The following G3BP1 variants were observed in gnomAD, a reference collection of about 807,000 sequenced individuals.
G3BP1 encodes the protein G3BP stress granule assembly factor 1.
Under a neutral mutation model 58.6 loss-of-function variants are expected in G3BP1, and 35 were observed. The observed-to-expected ratio is 0.60, with a 90% confidence interval of 0.46 to 0.79. The LOEUF is 0.79. Ranked by LOEUF, G3BP1 falls within the 30% of genes least tolerant of loss-of-function variation. G3BP1 has a pLI of 0.00. For missense variants in G3BP1, 523 were observed against 580.8 expected, an observed-to-expected ratio of 0.90 and a Z score of 1.02; for synonymous variants, 191 against 195.4, an observed-to-expected ratio of 0.98 and a Z score of 0.19.
chr5:151,789,163 C>T (rs917453743), intron 2 of G3BP1, among the ~76,000 whole-genome samples: 33 of 152,042 alleles, frequency 2.2e-4, no homozygotes, highest in Admixed American at 1.7e-3. Context: ...AAAGCATAGG[C>T]CAGGCATGGT....
In G3BP1 at chr5:151,809,460, C is replaced by T. The variant is rs892921445; in HGVS notation, c.*5369C>T. ...AGGATAGGGTGGAAGTAAAATTTAG[C>T]TGATAGCATAGGGATCATTTGTGAT... is the stretch of plus-strand genomic sequence containing the variant. On this transcript the variant is annotated 3_prime_UTR_variant, in exon 12 of 12. Transcript: ENST00000356245. The T allele has an allele frequency of 1.3e-5, 2 of 152,146 alleles. No homozygotes were observed. Among genetic ancestry groups the T allele is most frequent in the African/African-American group, 2.4e-5 (1 of 41,416 alleles). The allele number at this position is 152,146 out of a possible 1,614,324, so 9.4% of individuals were successfully genotyped here. A position where few individuals can be genotyped will look rare whatever the true frequency, so the allele number is the denominator to read the frequency against.
At chr5:151,785,545 C>T (rs1762542137) in intron 1 of G3BP1, among the ~76,000 whole-genome samples, 1 of 152,186 alleles carries the variant, frequency 6.6e-6, no homozygotes, top group Middle Eastern at 3.4e-3. Context: ...TTTATCTCTT[C>T]CCCCGTGAAT....
At chr5:151,800,980 A>G (rs1581583502) in intron 11 of G3BP1, 111 bp downstream of exon 11, 2 of 588,978 alleles carry the variant, frequency 3.4e-6, no homozygotes, top group South Asian at 4.6e-5. Context: ...TTATTCCAAC[A>G]TGTTCAGGTA....
intron 2 of G3BP1, among the ~76,000 whole-genome samples, chr5:151,789,067 GC>G (rs1297577770): frequency 6.6e-6 from 1 of 152,122 alleles, no homozygotes; most frequent in Admixed American, 6.5e-5. Context: ...GAGCCACCGT[GC>G]CCAGCCTTTT....
intron 1 of G3BP1, 112 bp downstream of exon 1, chr5:151,772,148 C>G (rs1405584308): frequency 1.3e-5 from 2 of 151,150 alleles, no homozygotes; most frequent in African/African-American, 4.8e-5. Context: ...AGTCGCGTCC[C>G]CCACCCCAAC....
chr5:151,773,241 A>G (rs1382541890), intron 1 of G3BP1, among the ~76,000 whole-genome samples: 1 of 152,170 alleles, frequency 6.6e-6, no homozygotes, highest in Non-Finnish European at 1.5e-5. Context: ...GAAGGGAATG[A>G]GGTGCAAAGC....
intron 8 of G3BP1, among the ~76,000 whole-genome samples, 180 bp from the exon 9 acceptor site, chr5:151,799,709 A>C (rs1762817038): frequency 6.6e-6 from 1 of 151,986 alleles, no homozygotes; most frequent in African/African-American, 2.4e-5. Flanking sequence ...AACCCAAATC[A>C]ATGTAGAAAC....
intron 4 of G3BP1, chr5:151,791,266 A>AGT (rs1762647437): frequency 2.3e-6 from 1 of 439,612 alleles, no homozygotes; most frequent in Non-Finnish European, 4.1e-6. Context: ...AAAATAGTTT[A>AGT]GTGGGCATTT....
intron 1 of G3BP1, among the ~76,000 whole-genome samples, chr5:151,777,376 C>T (rs1762390984): frequency 1.3e-5 from 2 of 152,126 alleles, no homozygotes; most frequent in African/African-American, 4.8e-5. Context: ...AGTAAAAAGA[C>T]CACTTAAATA....
rs2113263065 is a variant in G3BP1 at position 151,810,260 on chromosome 5, G to GCCTT, written c.*6171_*6174dup. The GCCTT allele has an allele frequency of 6.6e-6, 1 of 152,280 alleles. No homozygotes were observed. Among genetic ancestry groups the GCCTT allele is most frequent in the East Asian group, 1.9e-4 (1 of 5,186 alleles). 9.4% of individuals were successfully genotyped at this position (152,280 alleles called of 1,614,324 possible). A position where few individuals can be genotyped will look rare whatever the true frequency, so the allele number is the denominator to read the frequency against. On this transcript the variant is annotated 3_prime_UTR_variant, in exon 12 of 12. Transcript: ENST00000356245. ...GCATTGTGATTCCTTGGCTTCAAGT[G>GCCTT]CCTTCTGTCTTCCCCGAAGGTCCAC...
At chr5:151,794,120 GTC>G (rs1019859603) in intron 4 of G3BP1, 37 bp from the exon 5 acceptor site, 6 of 1,235,686 alleles carry the variant, frequency 4.9e-6, no homozygotes, top group Admixed American at 1.7e-5. Context: ...CTTTCTAAAA[GTC>G]TGTTGAATAA....
At chr5:151,778,498 G>A (rs1452570930) in intron 1 of G3BP1, among the ~76,000 whole-genome samples, 1 of 152,072 alleles carries the variant, frequency 6.6e-6, no homozygotes, top group Non-Finnish European at 1.5e-5. Flanking sequence ...CTGGAGTGCA[G>A]TGGCGCCATC....
At chr5:151,786,767 C>A in intron 2 of G3BP1, 52 bp downstream of exon 2, 1 of 1,056,188 alleles carries the variant, frequency 9.5e-7, no homozygotes, top group Non-Finnish European at 1.5e-6. Context: ...GTATGTGGTA[C>A]TTATCTTTGA....
Position 151,797,291 on chromosome 5 carries a change from C to G in G3BP1, c.604C>G (p.Pro202Ala). 3 of 1,612,524 alleles carry G rather than the reference C, an allele frequency of 1.9e-6. No homozygotes were observed. Among genetic ancestry groups the G allele is most frequent in the Non-Finnish European group, 2.5e-6 (3 of 1,178,588 alleles). The change falls in exon 7 of 12, where the codon CCA (proline) becomes GCA (alanine). Residue 202 changes from proline to alanine, a missense_variant. This residue lies in a region of G3BP1 where 398 missense variants were observed against 399.1 expected (regional missense o/e 1.00). Transcript: ENST00000356245. Reference sequence around the variant, plus strand: ...ACCAGAGCCTGATCCTGAACCAGAACCAGAACAAGAACCTGTATCTGAAAT... The same window carrying G: ...ACCAGAGCCTGATCCTGAACCAGAAGCAGAACAAGAACCTGTATCTGAAAT... ...AEPEPDPEPE[P>A]EQEPVSEIQE...
intron 1 of G3BP1, 30 bp from the exon 2 acceptor site, chr5:151,786,542 C>G: frequency 1.1e-6 from 1 of 870,894 alleles, no homozygotes; most frequent in Non-Finnish European, 1.9e-6. Context: ...CTAAATGATT[C>G]GGTCTTTTCC....
intron 5 of G3BP1, among the ~76,000 whole-genome samples, 195 bp from the exon 6 acceptor site, chr5:151,795,284 C>T (rs967332869): frequency 2.0e-5 from 3 of 151,366 alleles, no homozygotes; most frequent in African/African-American, 7.3e-5. Flanking sequence ...TCTCAAAAAA[C>T]AAAAAACAAA....
At chr5:151,785,943 T>C (rs1349057873) in intron 1 of G3BP1, among the ~76,000 whole-genome samples, 1 of 152,202 alleles carries the variant, frequency 6.6e-6, no homozygotes, top group African/African-American at 2.4e-5. Flanking sequence ...TAATATTGCC[T>C]CAAATAAGAA....
At chr5:151,774,444 A>G (rs1762331234) in intron 1 of G3BP1, among the ~76,000 whole-genome samples, 1 of 151,868 alleles carries the variant, frequency 6.6e-6, no homozygotes, top group Admixed American at 6.6e-5. Context: ...TATCGTCCTT[A>G]GGACTGATGG....
rs1485620619 is a variant in G3BP1, at chr5:151,795,536, C to T, written c.500C>T (p.Pro167Leu). The T allele has an allele frequency of 6.2e-7, 1 of 1,607,442 alleles. No individual in the cohort carries two copies. ...AGACAGCAAACACCTGAGGTGGTAC[C>T]TGATGATTCTGGAACTTTCTATGAT... ...EERQQTPEVV[P>L]DDSGTFYDQA... The change falls in exon 6 of 12, where the codon CCT becomes CTT. Residue 167 changes from proline to leucine, a missense_variant. Pro to Leu is a moderately conservative substitution (Grantham distance 98). This residue lies in a region of G3BP1 where 398 missense variants were observed against 399.1 expected (regional missense o/e 1.00). Coordinates refer to ENST00000356245, the MANE Select transcript of G3BP1 (RefSeq NM_005754.3).
Sources: gnomAD v4.1 joint callset for allele counts (sites outside exome capture counted in the v4.1 genomes callset) on GRCh38, gnomAD v4.1.1 for gene constraint, gnomAD v4.1.1 regional missense constraint, MANE v1.5 for transcripts, NCBI Gene and HGNC (gene_info 2026-07-23, HGNC 2026-07-21) for gene names.